GCNT2: variants seen among roughly 807,000 people sequenced by gnomAD.
The protein encoded by GCNT2 is glucosaminyl (N-acetyl) transferase 2 (I blood group).
In GCNT2, 34 loss-of-function variants were observed where a neutral mutation model predicts 34.2. The ratio of observed to expected loss-of-function variants is 1.00; its 90% CI spans 0.76 to 1.32. GCNT2 has a LOEUF of 1.32. GCNT2 is among the 40% of genes most tolerant of loss of function. The pLI is 0.00. For synonymous variants in GCNT2, 212 were observed against 188.0 expected (o/e 1.13, Z -1.04); for missense variants, 584 against 489.4 (o/e 1.19, Z -1.82).
intron 3 of GCNT2, among the ~76,000 whole-genome samples, chr6:10,559,562 T>C (rs1378266275): frequency 6.6e-6 from 1 of 152,174 alleles, no homozygotes; most frequent in Non-Finnish European, 1.5e-5. Flanking sequence ...CCTAGAACAA[T>C]GTAAAGACCT....
At chr6:10,594,520 T>A (rs1436597618) in intron 3 of GCNT2, among the ~76,000 whole-genome samples, 1 of 152,218 alleles carries the variant, frequency 6.6e-6, no homozygotes, top group Non-Finnish European at 1.5e-5. Context: ...TTGTGTACTC[T>A]GACCTAAAAC....
intron 3 of GCNT2, among the ~76,000 whole-genome samples, chr6:10,585,482 T>G (rs928704797): frequency 2.6e-5 from 4 of 152,164 alleles, no homozygotes; most frequent in African/African-American, 9.7e-5. Flanking sequence ...TCCTAAGGAC[T>G]GCCAGCAGGT....
At chr6:10,543,832 C>T (rs1054541898) in intron 3 of GCNT2, among the ~76,000 whole-genome samples, 2 of 152,180 alleles carry the variant, frequency 1.3e-5, no homozygotes, top group Non-Finnish European at 2.9e-5. Flanking sequence ...GTCTGTATTA[C>T]TTGCCCAAGG....
At chr6:10,557,299 C>T in intron 3 of GCNT2, 1 of 1,613,876 alleles carries the variant, frequency 6.2e-7, no homozygotes, top group Non-Finnish European at 8.5e-7. Context: ...AGGACACTTT[C>T]AGTCCTGATG....
chr6:10,544,741 C>T (rs921925095), intron 3 of GCNT2, among the ~76,000 whole-genome samples: 16 of 151,452 alleles, frequency 1.1e-4, no homozygotes, highest in South Asian at 2.1e-4. Flanking sequence ...ATCAGGAGTT[C>T]GAGACCAGCC....
At chr6:10,541,954 A>G (rs1019836679) in intron 3 of GCNT2, among the ~76,000 whole-genome samples, 2 of 152,192 alleles carry the variant, frequency 1.3e-5, no homozygotes, top group Admixed American at 6.5e-5. Flanking sequence ...TGCTGCTGCC[A>G]GAAAGCAGAA....
chr6:10,566,944 C>G (rs1044687685), intron 3 of GCNT2, among the ~76,000 whole-genome samples: 12 of 152,190 alleles, frequency 7.9e-5, no homozygotes, highest in Admixed American at 2.0e-4. Flanking sequence ...TGTTAAAGGA[C>G]TGTATATGTC....
intron 3 of GCNT2, among the ~76,000 whole-genome samples, chr6:10,549,003 C>T (rs374640507): frequency 7.9e-5 from 12 of 152,230 alleles, no homozygotes; most frequent in East Asian, 7.7e-4. Flanking sequence ...GTGATCCACA[C>T]GCCTTGGCCT....
intron 3 of GCNT2, among the ~76,000 whole-genome samples, chr6:10,591,185 G>A (rs970113564): frequency 1.3e-5 from 2 of 152,190 alleles, no homozygotes; most frequent in Non-Finnish European, 2.9e-5. Context: ...CTGTCTTTGT[G>A]TTCTCCACCA....
At position 10,529,374 on chromosome 6, in the gene GCNT2, A is replaced by G. The variant is rs750509497; in HGVS notation, c.463A>G (p.Lys155Glu). 1.9e-6 allele frequency: 3 copies of G among 1,613,968 alleles called. No homozygotes were observed. The highest frequency in any genetic ancestry group is 1.1e-5 in the South Asian group (1 of 91,070). Residue 155 changes from lysine (K) to glutamate (E), a missense_variant, in exon 3 of 5, where the codon AAG (lysine) becomes GAG (glutamate). Physicochemically the swap from Lys to Glu is moderately conservative, Grantham distance 56. Transcript: ENST00000495262. The part of the protein sequence containing the change: ...SCFPNAFLAS[K>E]KESVVYGGIS... ...CTTCCCAAATGCTTTTCTGGCTTCC[A>G]AGAAGGAGTCGGTTGTCTATGGGGG...
At chr6:10,544,682 G>A (rs1762188373) in intron 3 of GCNT2, among the ~76,000 whole-genome samples, 1 of 151,772 alleles carries the variant, frequency 6.6e-6, no homozygotes, top group Admixed American at 6.6e-5. Flanking sequence ...GATGGCTCAT[G>A]CCTGTAATAG....
chr6:10,587,011 TA>T, intron 3 of GCNT2: 1 of 898,754 alleles, frequency 1.1e-6, no homozygotes, highest in Non-Finnish European at 1.8e-6. Flanking sequence ...GAAATAAATT[TA>T]AATACTTAGA....
At chr6:10,536,104 T>G (rs549441620) in intron 3 of GCNT2, among the ~76,000 whole-genome samples, 2 of 152,158 alleles carry the variant, frequency 1.3e-5, no homozygotes, top group East Asian at 3.9e-4. Flanking sequence ...GATGCAAATT[T>G]GGGAGCAGAG....
intron 3 of GCNT2, 141 bp from the exon 4 acceptor site, chr6:10,621,210 A>G (rs894478249): frequency 5.8e-6 from 4 of 692,880 alleles, no homozygotes; most frequent in Non-Finnish European, 5.3e-6. Flanking sequence ...AGATGGGTAG[A>G]TCAGTACATA....
At chr6:10,563,705 A>G (rs1469312538) in intron 3 of GCNT2, among the ~76,000 whole-genome samples, 3 of 144,688 alleles carry the variant, frequency 2.1e-5, no homozygotes, top group African/African-American at 7.6e-5. Flanking sequence ...TTGTACCACT[A>G]TGTTCCAGCC....
At position 10,586,908 on chromosome 6, in the gene GCNT2, GT is replaced by G. The variant is rs771487989; in HGVS notation, c.926-34440del. 5.6e-6 allele frequency: 9 copies of G among 1,609,680 alleles called. No individual in the cohort carries two copies. The African/African-American group carries it at 1.2e-4, about 22-fold the overall frequency. On this transcript the variant is annotated intron_variant, in intron 3 of 4. Coordinates refer to ENST00000495262, the MANE Select transcript of GCNT2 (RefSeq NM_145649.5). ...GCATTTCTGGGTGACACTTAATAGGGTTTCAGGTAGGTACTAATTTCCATTC... is the reference window on the plus strand; with the variant it reads ...GCATTTCTGGGTGACACTTAATAGGGTTCAGGTAGGTACTAATTTCCATTC...
chr6:10,523,999 A>G (rs1467629481), intron 1 of GCNT2, among the ~76,000 whole-genome samples: 1 of 145,506 alleles, frequency 6.9e-6, no homozygotes, highest in African/African-American at 2.5e-5. Context: ...AAAAACCAAG[A>G]CTAAGAGGTG....
intron 3 of GCNT2, among the ~76,000 whole-genome samples, chr6:10,585,054 TGTGTGTGTGTGTGTGTGTGTGTGTGC>T (rs1269441221): frequency 1.2e-4 from 17 of 139,800 alleles, no homozygotes; most frequent in African/African-American, 5.2e-4. Context: ...TGTGTGTGTG[TGTGTGTGTGTGTGTGTGTGTGTGTGC>T]GCGCTATATT....
intron 3 of GCNT2, among the ~76,000 whole-genome samples, chr6:10,550,476 G>A (rs1341156970): frequency 2.0e-5 from 3 of 151,878 alleles, no homozygotes; most frequent in African/African-American, 4.8e-5. Context: ...AGCTTTATCT[G>A]GGACCAAAAT....
Sources: allele counts gnomAD v4.1 joint callset (sites outside exome capture counted in the v4.1 genomes callset), GRCh38; gene constraint gnomAD v4.1.1; transcripts MANE v1.5; gene names NCBI Gene and HGNC (gene_info 2026-07-23, HGNC 2026-07-21).